The following FAM20C variants were observed in gnomAD, a reference collection of about 807,000 sequenced individuals.
The protein encoded by FAM20C is extracellular serine/threonine protein kinase FAM20C.
In FAM20C, 40 loss-of-function variants were observed where a neutral mutation model predicts 51.5. The observed-to-expected ratio is 0.78, with a 90% CI of 0.60 to 1.01. FAM20C has a LOEUF of 1.01. Ranked by LOEUF, FAM20C falls within the 50% of genes least tolerant of loss-of-function variation. FAM20C has a pLI of 0.00. For missense variants in FAM20C, 861 were observed against 844.7 expected (o/e 1.02, Z -0.24); for synonymous variants, 406 against 380.6 (o/e 1.07, Z -0.78).
chr7:193,856 C>T, intron 1 of FAM20C, 52 bp downstream of exon 1: 2 of 1,536,488 alleles, frequency 1.3e-6, no homozygotes, highest in Non-Finnish European at 1.8e-6. Flanking sequence ...GAGCCCAAGG[C>T]ATGGTGTAGA....
chr7:232,328 C>T (rs900879161), intron 3 of FAM20C, among the ~76,000 whole-genome samples: 6 of 152,210 alleles, frequency 3.9e-5, no homozygotes, highest in African/African-American at 1.2e-4. Context: ...GAACGCGGCC[C>T]AGCCCCCCAC....
chr7:254,929 GTTTCA>G (rs1788532470), intron 5 of FAM20C, among the ~76,000 whole-genome samples: 1 of 151,812 alleles, frequency 6.6e-6, no homozygotes, highest in Non-Finnish European at 1.5e-5. Context: ...TCCTCTTCTT[GTTTCA>G]TTTCGTTTCG....
At chr7:251,568 G>C (rs1788406619) in intron 5 of FAM20C, among the ~76,000 whole-genome samples, 2 of 152,036 alleles carry the variant, frequency 1.3e-5, no homozygotes, top group African/African-American at 4.8e-5. Context: ...GGTGAATTAA[G>C]TCACCTCTAT....
At chr7:228,288 T>C in intron 3 of FAM20C, 1 of 363,750 alleles carries the variant, frequency 2.7e-6, no homozygotes. Context: ...CAGTGCTGCC[T>C]GTCCCCATGG....
Position 236,708 on chromosome 7 carries a change from GCGGA to G in FAM20C, c.864-9706_864-9703del, listed in dbSNP as rs1583322711. ...GGATGGTTGATGGTCGGGGTTTCAT[GCGGA>G]GGTGAGGCGGGTGCCCTGGAATCTG... On this transcript the variant is annotated intron_variant, in intron 3 of 9. Coordinates refer to ENST00000313766, the MANE Select transcript of FAM20C (RefSeq NM_020223.4). Among the ~76,000 whole-genome samples, 392 of 151,566 alleles carry G rather than the reference GCGGA, an allele frequency of 2.6e-3. 28 individuals are homozygous for G. The highest frequency in any genetic ancestry group is 7.2e-3 in the African/African-American group (298 of 41,218).
chr7:230,283 A>G (rs60914206), intron 3 of FAM20C, among the ~76,000 whole-genome samples: 18,096 of 148,398 alleles, frequency 0.12, 1,779 homozygotes, highest in African/African-American at 0.27. Context: ...CAGAGCTGGG[A>G]GAGGCAAGAA....
intron 3 of FAM20C, among the ~76,000 whole-genome samples, chr7:245,640 G>A (rs1486038232): frequency 6.6e-6 from 1 of 152,240 alleles, no homozygotes; most frequent in African/African-American, 2.4e-5. Flanking sequence ...GCTCAGACAC[G>A]ACCTTGACAA....
At chr7:206,660 C>T (rs1381534261) in intron 2 of FAM20C, among the ~76,000 whole-genome samples, 9 of 140,290 alleles carry the variant, frequency 6.4e-5, no homozygotes, top group Non-Finnish European at 1.1e-4. Context: ...TGTGACGCGT[C>T]GGTCACTGTC....
chr7:245,088 C>A (rs886066088), intron 3 of FAM20C, among the ~76,000 whole-genome samples: 9 of 152,214 alleles, frequency 5.9e-5, no homozygotes, highest in African/African-American at 2.2e-4. Context: ...GATGTCGGCC[C>A]GTGGCAGGGC....
intron 3 of FAM20C, among the ~76,000 whole-genome samples, chr7:225,725 ATGG>A (rs1787415117): frequency 3.1e-4 from 1 of 3,216 alleles, no homozygotes; most frequent in Non-Finnish European, 7.6e-4. Context: ...ATTGCGCAGA[ATGG>A]CACCGTCACG....
chr7:232,131 T>C (rs1356592190), intron 3 of FAM20C, among the ~76,000 whole-genome samples: 1 of 152,168 alleles, frequency 6.6e-6, no homozygotes, highest in Non-Finnish European at 1.5e-5. Flanking sequence ...CCCAGCTGGG[T>C]AGCAGCGGGA....
intron 3 of FAM20C, among the ~76,000 whole-genome samples, chr7:217,431 T>TAGGGTAGCGCTGCATTC (rs1308189226): frequency 7.5e-5 from 1 of 13,358 alleles, no homozygotes; most frequent in Admixed American, 4.7e-4. Context: ...GAGCTGCATT[T>TAGGGTAGCGCTGCATTC]GGCTGTTTGT....
chr7:242,326 C>T lies in FAM20C; in HGVS notation c.864-4089C>T, dbSNP rs999102767. On this transcript the variant is annotated intron_variant, in intron 3 of 9. Coordinates refer to ENST00000313766, the MANE Select transcript of FAM20C (RefSeq NM_020223.4). ...TGTGCTGTCTGTGGGTCCGGGGACGCGGATCTGACAAATGCCCTTCTGCAG... is the reference window on the plus strand; with the variant it reads ...TGTGCTGTCTGTGGGTCCGGGGACGTGGATCTGACAAATGCCCTTCTGCAG... 2.0e-5 allele frequency among the ~76,000 whole-genome samples: 3 copies of T among 152,192 alleles called. No individual in the cohort carries two copies. In the East Asian group the frequency reaches 5.8e-4, roughly 29 times the overall value.
chr7:254,383 G>T (rs1788513785), intron 5 of FAM20C, among the ~76,000 whole-genome samples: 1 of 152,220 alleles, frequency 6.6e-6, no homozygotes, highest in Non-Finnish European at 1.5e-5. Flanking sequence ...GAGGTTCGGG[G>T]CTCCGGCCCC....
Position 257,095 on chromosome 7 carries a change from G to A in FAM20C, c.1445+9G>A, listed in dbSNP as rs1215046982. The A allele has an allele frequency of 2.6e-6, 4 of 1,536,592 alleles. No homozygotes were observed. In the East Asian group the frequency reaches 9.8e-5, roughly 38 times the overall value. On this transcript the variant is annotated intron_variant, in intron 8 of 9. Transcript: ENST00000313766. The stretch of plus-strand genomic sequence containing the variant: ...TTAGACAATGGAAGAGGGTGAGCCT[G>A]TCCTCGCCCCTGCACACCCAGGGAA...
chr7:194,662 G>A (rs1296129210), intron 1 of FAM20C, among the ~76,000 whole-genome samples: 1 of 152,184 alleles, frequency 6.6e-6, no homozygotes, highest in African/African-American at 2.4e-5. Context: ...TGCTGGTCAG[G>A]TTCAAGGAAA....
At chr7:256,862 T>C (rs1788610187) in intron 7 of FAM20C, 99 bp downstream of exon 7, 1 of 1,419,334 alleles carries the variant, frequency 7.0e-7, no homozygotes. Flanking sequence ...ACGGCCCGGC[T>C]GCGGTCCTGT....
chr7:195,329 T>G (rs577516646), intron 1 of FAM20C: 2 of 438,706 alleles, frequency 4.6e-6, no homozygotes, highest in Non-Finnish European at 4.0e-6. Flanking sequence ...CTCCAGAGGG[T>G]GAGTAAGAAT....
chr7:193,307 C>A lies in FAM20C; in HGVS notation c.108C>A (p.Arg36=). 1 of 1,407,222 alleles carries A rather than the reference C, an allele frequency of 7.1e-7. No homozygotes were observed. Among genetic ancestry groups the A allele is most frequent in the Non-Finnish European group, 9.3e-7 (1 of 1,073,216 alleles). The allele number at this position is 1,407,222 out of a possible 1,614,324, so 87.2% of individuals were successfully genotyped here. ...ACCTGCTGCCCAGGCTGGAGCGACG[C>A]GGCGCGCGGCCCTCGGGGGAGCCCG... ...ALDLLPRLER[R]GARPSGEPGC... is the part of the protein sequence containing the mutation. Residue 36 remains arginine (R), a synonymous_variant, in exon 1 of 10, where the codon CGC becomes CGA. Transcript: ENST00000313766.
Sources: gnomAD v4.1 joint callset for allele counts (sites outside exome capture counted in the v4.1 genomes callset) on GRCh38, gnomAD v4.1.1 for gene constraint, MANE v1.5 for transcripts, NCBI Gene and HGNC (gene_info 2026-07-23, HGNC 2026-07-21) for gene names.